Variants in PRSS23 observed in about 807,000 individuals in gnomAD.
The protein encoded by PRSS23 is serine protease 23, also known as protease, serine 23.
In PRSS23, 25 loss-of-function variants were observed where a neutral mutation model predicts 34.7. The ratio of observed to expected loss-of-function variants is 0.72; its 90% CI spans 0.53 to 1.01. The LOEUF is 1.01. Among genes scored for constraint, PRSS23 ranks in the 50% least tolerant of loss-of-function variants. The pLI, the probability that PRSS23 is intolerant of heterozygous loss-of-function variation, is 0.00. For missense variants in PRSS23, 445 were observed against 475.6 expected, an observed-to-expected ratio of 0.94 and a Z score of 0.60; for synonymous variants, 176 against 186.6, an observed-to-expected ratio of 0.94 and a Z score of 0.46.
chr11:86,873,159 G>T, intron 2 of PRSS23, among the ~76,000 whole-genome samples: 1 of 150,182 alleles, frequency 6.7e-6, no homozygotes. Flanking sequence ...GCAACCTTGT[G>T]ATTTGCACAC....
intron 2 of PRSS23, among the ~76,000 whole-genome samples, chr11:86,826,503 G>A (rs867072920): frequency 6.6e-6 from 1 of 151,970 alleles, no homozygotes; most frequent in African/African-American, 2.4e-5. Context: ...CTGCCTAATT[G>A]CCCTGGCCAG....
At chr11:86,899,047 C>G (rs1229891039) in intron 2 of PRSS23, among the ~76,000 whole-genome samples, 1 of 152,136 alleles carries the variant, frequency 6.6e-6, no homozygotes. Flanking sequence ...GACCTGCCAC[C>G]ATGTTCATAG....
intron 2 of PRSS23, among the ~76,000 whole-genome samples, chr11:86,927,440 G>A (rs895466237): frequency 1.3e-5 from 2 of 152,166 alleles, no homozygotes; most frequent in Non-Finnish European, 2.9e-5. Flanking sequence ...AACTGGCATC[G>A]TGTAAACTAG....
In PRSS23 at chr11:86,878,554, T is replaced by A. The variant is rs570077849; in HGVS notation, c.206+54961T>A. Among the ~76,000 whole-genome samples the A allele has an allele frequency of 1.3e-3, 194 of 152,266 alleles. 1 individual carries two copies. The highest frequency in any genetic ancestry group is 4.3e-3 in the African/African-American group (179 of 41,554). ...TGCCAGGATTGCAGACGGAGTCTGG[T>A]TCACTCAGTGCTCAATGGGGCCCAG... is the stretch of plus-strand genomic sequence containing the variant. On this transcript the variant is annotated intron_variant, in intron 2 of 2. Coordinates refer to the PRSS23 transcript ENST00000533902.
chr11:86,805,923 A>G (rs576152478), intron 1 of PRSS23, among the ~76,000 whole-genome samples: 23 of 152,216 alleles, frequency 1.5e-4, no homozygotes, highest in African/African-American at 5.5e-4. Context: ...CTTGAGACCC[A>G]CCCCTTCCGG....
intron 2 of PRSS23, among the ~76,000 whole-genome samples, chr11:86,943,898 A>G (rs1211409247): frequency 6.6e-6 from 1 of 151,704 alleles, no homozygotes; most frequent in Non-Finnish European, 1.5e-5. Flanking sequence ...CGCGTGTCAC[A>G]CCTGACTAGT....
intron 2 of PRSS23, among the ~76,000 whole-genome samples, chr11:86,846,091 C>G (rs1331392501): frequency 6.6e-6 from 1 of 152,204 alleles, no homozygotes; most frequent in African/African-American, 2.4e-5. Context: ...GTTACCTGTT[C>G]AGGACACCTT....
At chr11:86,915,468 G>A (rs1449059554) in intron 2 of PRSS23, among the ~76,000 whole-genome samples, 1 of 151,266 alleles carries the variant, frequency 6.6e-6, no homozygotes, top group East Asian at 1.9e-4. Flanking sequence ...ATAAGGAAAT[G>A]AGATAATGTA....
In PRSS23 at chr11:86,808,089, C is replaced by T. The variant is rs1948126778; in HGVS notation, c.446C>T (p.Pro149Leu). ...IFGKDFLLNY[P>L]FSTSVKLSTG... is the part of the protein sequence containing the mutation. ...GGGAAGGACTTCCTGCTCAACTACCCTTTCTCAACATCAGTGAAGTTATCC... is the reference window on the plus strand; with the variant it reads ...GGGAAGGACTTCCTGCTCAACTACCTTTTCTCAACATCAGTGAAGTTATCC... The change falls in exon 2 of 2, where the codon CCT becomes CTT. Residue 149 changes from proline (P) to leucine (L), a missense_variant. Coordinates refer to ENST00000280258, the MANE Select transcript of PRSS23 (RefSeq NM_007173.6). The T allele has an allele frequency of 1.2e-6, 2 of 1,614,176 alleles. No homozygotes were observed. The highest frequency in any genetic ancestry group is 1.3e-5 in the African/African-American group (1 of 75,020).
chr11:86,885,922 A>G (rs1275994604), intron 2 of PRSS23, among the ~76,000 whole-genome samples: 2 of 152,190 alleles, frequency 1.3e-5, no homozygotes, highest in Non-Finnish European at 2.9e-5. Flanking sequence ...AGGCTGAGCA[A>G]TTTATTATGT....
chr11:86,905,189 C>T (rs1178572826), intron 2 of PRSS23, among the ~76,000 whole-genome samples: 5 of 152,310 alleles, frequency 3.3e-5, no homozygotes, highest in Middle Eastern at 3.4e-3. Flanking sequence ...CTAGACTGTG[C>T]GCTAAAGGCA....
At chr11:86,943,951 G>T (rs1392594482) in intron 2 of PRSS23, among the ~76,000 whole-genome samples, 1 of 151,958 alleles carries the variant, frequency 6.6e-6, no homozygotes, top group Non-Finnish European at 1.5e-5. Context: ...ATATTGGCCA[G>T]GCTGGTCTCA....
intron 2 of PRSS23, among the ~76,000 whole-genome samples, chr11:86,919,806 T>G (rs1404422375): frequency 1.3e-5 from 2 of 152,152 alleles, no homozygotes; most frequent in Non-Finnish European, 2.9e-5. Flanking sequence ...ATGTCTTTGT[T>G]TTTTCTAGCC....
At chr11:86,923,145 T>G (rs1433491016) in intron 2 of PRSS23, among the ~76,000 whole-genome samples, 1 of 122,908 alleles carries the variant, frequency 8.1e-6, no homozygotes, top group African/African-American at 2.9e-5. Flanking sequence ...TTTTTTTTTT[T>G]GAGACGGGGT....
At chr11:86,817,629 C>A (rs72969443) in intron 1 of PRSS23, among the ~76,000 whole-genome samples, 12,032 of 152,212 alleles carry the variant, frequency 0.079, 692 homozygotes, top group Non-Finnish European at 0.12. Flanking sequence ...CTTTTTATAG[C>A]CAGTGAAAAT....
At position 86,808,630 on chromosome 11, in the gene PRSS23, G is replaced by T. The variant is rs748771608; in HGVS notation, c.987G>T (p.Gln329His). 6.2e-7 allele frequency: 1 copy of T among 1,614,208 alleles called. No individual in the cohort carries two copies. Among genetic ancestry groups the T allele is most frequent in the East Asian group, 2.2e-5 (1 of 44,886 alleles). Residue 329 changes from glutamine to histidine, a missense_variant, in exon 2 of 2, where the codon CAG (glutamine) becomes CAT (histidine). Coordinates refer to ENST00000280258, the MANE Select transcript of PRSS23 (RefSeq NM_007173.6). ...ATGTGAGGATGTGGAAGAGACAGCA[G>T]CAGAAGTGGGAGCGAAAAATTATTG... Reference protein sequence around the residue: ...GVYVRMWKRQQQKWERKIIGI... With the variant: ...GVYVRMWKRQHQKWERKIIGI...
At chr11:86,814,231 T>C (rs1216647914), downstream of PRSS23, among the ~76,000 whole-genome samples, 2 of 152,164 alleles carry the variant, frequency 1.3e-5, no homozygotes, top group Admixed American at 1.3e-4. Context: ...AATGCACTTG[T>C]AGATGATATT....
chr11:86,880,589 C>T (rs111916122), intron 2 of PRSS23, among the ~76,000 whole-genome samples: 1 of 151,774 alleles, frequency 6.6e-6, no homozygotes, highest in African/African-American at 2.4e-5. Context: ...ACCTATTAAC[C>T]CATCATCTAG....
intron 2 of PRSS23, among the ~76,000 whole-genome samples, chr11:86,941,501 C>A (rs192710484): frequency 2.4e-4 from 36 of 152,298 alleles, no homozygotes; most frequent in African/African-American, 5.8e-4. Context: ...ATTTACTAAG[C>A]AGTAGAGGAT....
Sources: gnomAD v4.1 joint callset for allele counts (sites outside exome capture counted in the v4.1 genomes callset) on GRCh38, gnomAD v4.1.1 for gene constraint, MANE v1.5 for transcripts, NCBI Gene and HGNC (gene_info 2026-07-23, HGNC 2026-07-21) for gene names.